Variants in ESPN observed in about 807,000 individuals in gnomAD.
The protein encoded by ESPN is autosomal recessive deafness type 36 protein.
ESPN carries 68 observed loss-of-function variants against 77.7 expected under a neutral mutation model. That is an observed-to-expected ratio of 0.87 (90% CI 0.72 to 1.07). The LOEUF (loss-of-function observed/expected upper bound fraction) is 1.07, where lower values mean the gene tolerates loss of function less well. Among genes scored for constraint, ESPN ranks in the 50% least tolerant of loss-of-function variants. The probability of loss-of-function intolerance (pLI) is 0.00; values close to 1 mark genes in which losing one functional copy is unlikely to be tolerated. For synonymous variants in ESPN, 449 were observed against 567.1 expected (o/e 0.79, Z 2.96); for missense variants, 1,060 against 1,239.0 (o/e 0.86, Z 2.17).
Position 6,440,384 on chromosome 1 carries a change from A to T in ESPN, c.619A>T (p.Met207Leu). ...ADPHARAHDG[M>L]TPLHAAAQMG... ...CCCGCACGCGCGCGCCCACGACGGC[A>T]TGACCCCGCTGCACGCCGCGGCGCA... The change falls in exon 3 of 13, where the codon ATG becomes TTG. Residue 207 changes from methionine (M) to leucine (L), a missense_variant. Transcript: ENST00000645284. 1 of 1,589,382 alleles carries T rather than the reference A, an allele frequency of 6.3e-7. No individual in the cohort carries two copies. The highest frequency in any genetic ancestry group is 8.6e-7 in the Non-Finnish European group (1 of 1,169,098).
At chr1:6,459,467 A>AATT (rs1302953283) in intron 12 of ESPN, among the ~76,000 whole-genome samples, 2 of 152,132 alleles carry the variant, frequency 1.3e-5, no homozygotes, top group African/African-American at 2.4e-5. Context: ...AATCCATCAC[A>AATT]ATTTAGACCA....
At chr1:6,461,243 C>T (rs1644162390), downstream of ESPN, 10 of 766,970 alleles carry the variant, frequency 1.3e-5, no homozygotes, top group Non-Finnish European at 2.3e-5. The surrounding 1 kb of genome is among the most constrained non-coding windows in gnomAD (Gnocchi z 6.3). Flanking sequence ...CACCCCCTCT[C>T]GACATTCGTT....
At position 6,449,048 on chromosome 1, in the gene ESPN, T is replaced by C. The variant is rs1312571902; in HGVS notation, c.1872T>C (p.Ala624=). 6.7e-7 allele frequency: 1 copy of C among 1,484,638 alleles called. No individual in the cohort carries two copies. The highest frequency in any genetic ancestry group is 8.9e-7 in the Non-Finnish European group (1 of 1,124,910). 92.0% of individuals were successfully genotyped at this position (1,484,638 alleles called of 1,614,324 possible). The change falls in exon 8 of 13, where the codon GCT becomes GCC. Residue 624 remains alanine (A), a synonymous_variant. Transcript: ENST00000645284. ...PPAPPLPLES[A]GPGCGQRRSS... The stretch of plus-strand genomic sequence containing the variant: ...CCCCGCCTCTGCCCCTCGAGAGCGC[T>C]GGCCCTGGCTGCGGGCAGCGCCGCT...
Position 6,437,981 on chromosome 1 carries a change from G to C in ESPN, c.489-2273G>C, listed in dbSNP as rs1220931373. Among the ~76,000 whole-genome samples the C allele has an allele frequency of 6.6e-6, 1 of 152,070 alleles. No homozygotes were observed. Among genetic ancestry groups the C allele is most frequent in the East Asian group, 1.9e-4 (1 of 5,166 alleles). On this transcript the variant is annotated intron_variant, in intron 2 of 12. Coordinates refer to ENST00000645284, the MANE Select transcript of ESPN (RefSeq NM_031475.3). The surrounding 1 kb of genome is among the most constrained non-coding windows in gnomAD (Gnocchi z 4.5). ...TAGCCTGGTGCCCATTGATGGGCAG[G>C]CAACAAGCGGATGGGCAGTTGGATG... is the stretch of plus-strand genomic sequence containing the variant.
chr1:6,425,447 GCCTGGGTGCTCCCTGGAAGCGCA>G (rs1185188953), intron 1 of ESPN, among the ~76,000 whole-genome samples, 198 bp downstream of exon 1: 1 of 152,248 alleles, frequency 6.6e-6, no homozygotes, highest in East Asian at 1.9e-4. Context: ...GCCCTGGCGA[GCCTGGGTGCTCCCTGGAAGCGCA>G]CCTGGGTGAT....
intron 12 of ESPN, among the ~76,000 whole-genome samples, chr1:6,458,902 T>C (rs1644101558): frequency 7.2e-6 from 1 of 139,830 alleles, no homozygotes; most frequent in African/African-American, 2.7e-5. Flanking sequence ...TTTTGTACTC[T>C]AGCCTGGGCA....
chr1:6,430,653 C>T (rs986585865), intron 2 of ESPN, among the ~76,000 whole-genome samples: 1 of 152,300 alleles, frequency 6.6e-6, no homozygotes, highest in Non-Finnish European at 1.5e-5. Context: ...TGCCTGTAAT[C>T]CCAGCTACTC....
At chr1:6,439,524 G>A (rs1643544838) in intron 2 of ESPN, among the ~76,000 whole-genome samples, 2 of 152,178 alleles carry the variant, frequency 1.3e-5, no homozygotes, top group Non-Finnish European at 2.9e-5. Context: ...CAGCAAGGGG[G>A]AAATAAATCA....
chr1:6,440,708 C>G lies in ESPN; in HGVS notation c.758C>G (p.Thr253Ser), dbSNP rs1643601806. 1 of 1,547,796 alleles carries G rather than the reference C, an allele frequency of 6.5e-7. No homozygotes were observed. The highest frequency in any genetic ancestry group is 8.7e-7 in the Non-Finnish European group (1 of 1,155,880). ...AMHFAASRGH[T>S]KVLSWLLLHG... Reference sequence around the variant, plus strand: ...CACTTCGCGGCGAGCCGCGGCCACACCAAGGTGCTCAGCTGGCTGCTGCTG... The same window carrying G: ...CACTTCGCGGCGAGCCGCGGCCACAGCAAGGTGCTCAGCTGGCTGCTGCTG... The change falls in exon 4 of 13, where the codon ACC (threonine) becomes AGC (serine). Residue 253 changes from threonine (T) to serine (S), a missense_variant. Physicochemically the swap from Thr to Ser is moderately conservative, Grantham distance 58 (BLOSUM62 1). Transcript: ENST00000645284.
rs143645714 is a variant in ESPN, at chr1:6,444,539, C to G, written c.1049C>G (p.Pro350Arg). 2.3e-4 allele frequency: 372 copies of G among 1,614,226 alleles called. 4 individuals carry two copies. The South Asian group carries it at 3.4e-3, about 15-fold the overall frequency. ...DPSAELEAKQ[P>R]DSGMSSPNTT... ...TCCGCAGAGCTGGAGGCTAAGCAGC[C>G]GGATTCAGGCATGTCCTCACCCAAT... Residue 350 changes from proline to arginine, a missense_variant, in exon 6 of 13, where the codon CCG becomes CGG. By Grantham distance (103) the Pro-to-Arg change is moderately radical. Transcript: ENST00000645284.
chr1:6,429,178 T>C (rs1396227805), intron 2 of ESPN, among the ~76,000 whole-genome samples: 6 of 151,812 alleles, frequency 4.0e-5, no homozygotes, highest in Non-Finnish European at 8.8e-5. Flanking sequence ...CCAGGGCCTG[T>C]CTGAGAGGGT....
rs1643899797 is a variant in ESPN at position 6,448,971 on chromosome 1, C to T, written c.1795C>T (p.Pro599Ser). Reference sequence around the variant, plus strand: ...GGCGTCCAGGGAGCTGCCACCGCCGCCCCCACCGCCGCCGCCGCCCCTGCC... The same window carrying T: ...GGCGTCCAGGGAGCTGCCACCGCCGTCCCCACCGCCGCCGCCGCCCCTGCC... Reference protein sequence around the residue: ...PKASRELPPPPPPPPPPLPEA... With the variant: ...PKASRELPPPSPPPPPPLPEA... Residue 599 changes from proline to serine, a missense_variant, in exon 8 of 13, where the codon CCC (proline) becomes TCC (serine). Around this residue, in one of 3 missense-constraint regions of ESPN, gnomAD observed 374 missense variants for 381.4 expected, o/e 0.98. Transcript: ENST00000645284. The T allele has an allele frequency of 2.1e-6, 3 of 1,408,620 alleles. No individual in the cohort carries two copies. Among genetic ancestry groups the T allele is most frequent in the East Asian group, 3.1e-5 (1 of 32,516 alleles). 87.3% of individuals were successfully genotyped at this position (1,408,620 alleles called of 1,614,324 possible).
intron 10 of ESPN, among the ~76,000 whole-genome samples, chr1:6,452,451 G>A (rs1643966752): frequency 6.6e-6 from 1 of 152,134 alleles, no homozygotes; most frequent in Non-Finnish European, 1.5e-5. Flanking sequence ...ACCGTGCCCG[G>A]CCATTTTCTT....
chr1:6,453,992 G>A (rs188734462), intron 10 of ESPN, among the ~76,000 whole-genome samples: 57 of 152,308 alleles, frequency 3.7e-4, no homozygotes, highest in Non-Finnish European at 8.1e-4. Context: ...GGGAAGGCTT[G>A]GGCCACAGGG....
In ESPN at chr1:6,460,770, GC is replaced by G. The variant is rs1435520218; in HGVS notation, c.*628del. On this transcript the variant is annotated 3_prime_UTR_variant, in exon 13 of 13. Transcript: ENST00000645284. Reference sequence around the variant, plus strand: ...CTGGCCCCACCTCCCTCAAGTCTGCGCCCCGTCCCCAGCCAGACCCACTCGC... The same window carrying G: ...CTGGCCCCACCTCCCTCAAGTCTGCGCCCGTCCCCAGCCAGACCCACTCGC... 1.8e-4 allele frequency: 33 copies of G among 188,266 alleles called. No homozygotes were observed. The highest frequency in any genetic ancestry group is 2.6e-3 in the Middle Eastern group (1 of 390). The allele number at this position is 188,266 out of a possible 1,614,324, so 11.7% of individuals were successfully genotyped here.
intron 12 of ESPN, 127 bp from the exon 13 acceptor site, chr1:6,459,872 G>A (rs1644126191): frequency 8.6e-7 from 1 of 1,158,384 alleles, no homozygotes; most frequent in Non-Finnish European, 1.3e-6. Flanking sequence ...CCGAGCCCCA[G>A]CCCTCAGTAA....
rs1569702645 is a variant in ESPN, at chr1:6,447,680, C to G, written c.1465-961C>G. Among the ~76,000 whole-genome samples the G allele has an allele frequency of 6.6e-6, 1 of 152,168 alleles. No homozygotes were observed. The highest frequency in any genetic ancestry group is 1.5e-5 in the Non-Finnish European group (1 of 68,022). ...AAATCCGAGGCTTGAGCGCGGGTGT[C>G]GGTGTCGCTTTCGTGGATGGCGATG... is the stretch of plus-strand genomic sequence containing the variant. On this transcript the variant is annotated intron_variant, in intron 7 of 12. Coordinates refer to ENST00000645284, the MANE Select transcript of ESPN (RefSeq NM_031475.3). The surrounding 1 kb of genome is among the most constrained non-coding windows in gnomAD (Gnocchi z 5.2).
In ESPN at chr1:6,440,730, G is replaced by A; in HGVS notation, c.780G>A (p.Leu260=). The part of the protein sequence containing the change: ...RGHTKVLSWL[L]LHGGEISADL... ...ACACCAAGGTGCTCAGCTGGCTGCTGCTGCACGGCGGGGAGATCTCGGCTG... is the reference window on the plus strand; with the variant it reads ...ACACCAAGGTGCTCAGCTGGCTGCTACTGCACGGCGGGGAGATCTCGGCTG... Residue 260 remains leucine (L), a synonymous_variant, in exon 4 of 13, where the codon CTG becomes CTA. Coordinates refer to ENST00000645284, the MANE Select transcript of ESPN (RefSeq NM_031475.3). 3 of 1,546,902 alleles carry A rather than the reference G, an allele frequency of 1.9e-6. No individual in the cohort carries two copies. The highest frequency in any genetic ancestry group is 2.6e-6 in the Non-Finnish European group (3 of 1,155,388).
At position 6,458,564 on chromosome 1, in the gene ESPN, C is replaced by T. The variant is rs1016080431; in HGVS notation, c.2417+1192C>T. On this transcript the variant is annotated intron_variant, in intron 12 of 12. Coordinates refer to ENST00000645284, the MANE Select transcript of ESPN (RefSeq NM_031475.3). ...CTCCTGACCTCAGGTGATCCACCCG[C>T]CTCAGCCTCCCAAAGTGCTGGGATC... is the stretch of plus-strand genomic sequence containing the variant. Among the ~76,000 whole-genome samples, 15 of 152,018 alleles carry T rather than the reference C, an allele frequency of 9.9e-5. No homozygotes were observed. In the South Asian group the frequency reaches 2.5e-3, roughly 25 times the overall value.
Sources: allele counts gnomAD v4.1 joint callset (sites outside exome capture counted in the v4.1 genomes callset), GRCh38; gene constraint gnomAD v4.1.1; regional missense constraint gnomAD v4.1.1; non-coding constraint Gnocchi (gnomAD v3.1); transcripts MANE v1.5; gene names NCBI Gene and HGNC (gene_info 2026-07-23, HGNC 2026-07-21).